JAKMIP1: variants seen among roughly 807,000 people sequenced by gnomAD.
JAKMIP1 encodes the protein janus kinase and microtubule-interacting protein 1.
A neutral mutation model predicts 113.0 loss-of-function variants in JAKMIP1; 33 were observed. The ratio of observed to expected loss-of-function variants is 0.29; its 90% CI spans 0.22 to 0.39. The LOEUF (loss-of-function observed/expected upper bound fraction) is 0.39. Ranked by LOEUF, JAKMIP1 falls within the 10% of genes least tolerant of loss-of-function variation. The pLI is 1.00. For missense variants in JAKMIP1, 813 were observed against 1,080.5 expected, an observed-to-expected ratio of 0.75 and a Z score of 3.47; for synonymous variants, 480 against 459.9, an observed-to-expected ratio of 1.04 and a Z score of -0.56.
rs1719413082 is a variant in JAKMIP1 at position 6,137,482 on chromosome 4, A to G, written c.-147-24485T>C. On this transcript the variant is annotated intron_variant, in intron 1 of 20. Transcript: ENST00000409021. The surrounding 1 kb of genome is among the most constrained non-coding windows in gnomAD (Gnocchi z 4.5). ...CGTCTCACACCCTGGGTGACAGCAG[A>G]CGTGCTAAGTAGGAACCCCCTTCAA... Among the ~76,000 whole-genome samples the G allele has an allele frequency of 6.6e-6, 1 of 152,180 alleles. No homozygotes were observed. Among genetic ancestry groups the G allele is most frequent in the Non-Finnish European group, 1.5e-5 (1 of 68,030 alleles).
intron 1 of JAKMIP1, among the ~76,000 whole-genome samples, chr4:6,172,523 G>T (rs1007043247): frequency 6.6e-6 from 1 of 151,636 alleles, no homozygotes; most frequent in African/African-American, 2.4e-5. Context: ...GAGGAGAGAG[G>T]ACACGGCCCT....
Position 6,065,132 on chromosome 4 carries a change from A to G in JAKMIP1, c.1303-124T>C. 1 of 1,203,862 alleles carries G rather than the reference A, an allele frequency of 8.3e-7. No homozygotes were observed. Among genetic ancestry groups the G allele is most frequent in the Non-Finnish European group, 1.2e-6 (1 of 829,592 alleles). 74.6% of individuals were successfully genotyped at this position (1,203,862 alleles called of 1,614,324 possible). ...GACATTTGGGCCACTGGGGCATCACAAGATGCGGTTGGTGGGCTTCGTAAC... is the reference window on the plus strand; with the variant it reads ...GACATTTGGGCCACTGGGGCATCACGAGATGCGGTTGGTGGGCTTCGTAAC... On this transcript the variant is annotated intron_variant, in intron 8 of 20. Transcript: ENST00000409021. The surrounding 1 kb of genome is among the most constrained non-coding windows in gnomAD (Gnocchi z 5.1).
In JAKMIP1 at chr4:6,180,229, CAG is replaced by C. The variant is rs1290854009; in HGVS notation, c.-148+20022_-148+20023del. Among the ~76,000 whole-genome samples, 1 of 152,186 alleles carries C rather than the reference CAG, an allele frequency of 6.6e-6. No individual in the cohort carries two copies. The highest frequency in any genetic ancestry group is 6.5e-5 in the Admixed American group (1 of 15,272). ...ATTCCCCACCAAACATACCCACAAACAGAAATAATTTCTGATAAAATTGCTAC... is the reference window on the plus strand; with the variant it reads ...ATTCCCCACCAAACATACCCACAAACAAATAATTTCTGATAAAATTGCTAC... On this transcript the variant is annotated intron_variant, in intron 1 of 20. Transcript: ENST00000409021. This position sits in a 1 kb window ranked among gnomAD's most constrained non-coding sequence, Gnocchi z 4.5.
rs902918571 is a variant in JAKMIP1 at position 6,094,697 on chromosome 4, G to A, written c.625-9068C>T. Among the ~76,000 whole-genome samples, 1 of 152,180 alleles carries A rather than the reference G, an allele frequency of 6.6e-6. No homozygotes were observed. Among genetic ancestry groups the A allele is most frequent in the Admixed American group, 6.5e-5 (1 of 15,278 alleles). The stretch of plus-strand genomic sequence containing the variant: ...AGGAAAGGAATGCAGATCCATTATA[G>A]AAAATGAAAAATACAGCCAGACGCA... On this transcript the variant is annotated intron_variant, in intron 3 of 20. Transcript: ENST00000409021. This position sits in a 1 kb window ranked among gnomAD's most constrained non-coding sequence, Gnocchi z 4.2.
rs746978964 is a variant in JAKMIP1 at position 6,076,037 on chromosome 4, G to C, written c.1302+2902C>G. ...ACTAAAAATACAAAATTAGCCAGGCGTGGTGGCACATGCCTGTAATCTCGG... is the reference window on the plus strand; with the variant it reads ...ACTAAAAATACAAAATTAGCCAGGCCTGGTGGCACATGCCTGTAATCTCGG... On this transcript the variant is annotated intron_variant, in intron 8 of 20. Transcript: ENST00000409021. This position sits in a 1 kb window ranked among gnomAD's most constrained non-coding sequence, Gnocchi z 4.8. Among the ~76,000 whole-genome samples, 2 of 152,152 alleles carry C rather than the reference G, an allele frequency of 1.3e-5. No individual in the cohort carries two copies. Among genetic ancestry groups the C allele is most frequent in the Non-Finnish European group, 2.9e-5 (2 of 68,024 alleles).
At chr4:6,172,827 A>T (rs552884293) in intron 1 of JAKMIP1, among the ~76,000 whole-genome samples, 1 of 152,256 alleles carries the variant, frequency 6.6e-6, no homozygotes, top group East Asian at 1.9e-4. Context: ...CACACCACAA[A>T]CACTGACTGT....
chr4:6,050,620 G>T lies in JAKMIP1; in HGVS notation c.1866C>A (p.His622Gln). Residue 622 changes from histidine to glutamine, a missense_variant, in exon 14 of 21, where the codon CAC (histidine) becomes CAA (glutamine). Transcript: ENST00000409021. This position sits in a 1 kb window ranked among gnomAD's most constrained non-coding sequence, Gnocchi z 7.4. ...NLQITTFPEN[H>Q]SSALQLFCHQ... ...GACAGAACAGCTGGAGAGCGCTGCTGTGGTTCTCGGGGAAGGTGGTGATTT... is the reference window on the plus strand; with the variant it reads ...GACAGAACAGCTGGAGAGCGCTGCTTTGGTTCTCGGGGAAGGTGGTGATTT... 1.9e-6 allele frequency: 3 copies of T among 1,576,860 alleles called. No homozygotes were observed. Among genetic ancestry groups the T allele is most frequent in the Non-Finnish European group, 2.6e-6 (3 of 1,160,776 alleles).
chr4:6,068,872 A>T (rs908740701), intron 8 of JAKMIP1, among the ~76,000 whole-genome samples: 1 of 152,184 alleles, frequency 6.6e-6, no homozygotes, highest in African/African-American at 2.4e-5. Context: ...GCCCAGCCTT[A>T]ACATTTTTTT....
chr4:6,098,538 GAGAAAGAA>G (rs1712243008), intron 3 of JAKMIP1, among the ~76,000 whole-genome samples: 1 of 46,478 alleles, frequency 2.2e-5, no homozygotes. Flanking sequence ...GAGAGAGAGA[GAGAAAGAA>G]AAAGAAAGAA....
Position 6,081,492 on chromosome 4 carries a change from T to C in JAKMIP1, c.1101+117A>G, listed in dbSNP as rs2108822659. ...GTGACTGACACTGTGCCTGGTGCTTTGTGGGGAGGTGGGCAGCAGGTGCGC... is the reference window on the plus strand; with the variant it reads ...GTGACTGACACTGTGCCTGGTGCTTCGTGGGGAGGTGGGCAGCAGGTGCGC... On this transcript the variant is annotated intron_variant, in intron 6 of 20. Transcript: ENST00000409021. The surrounding 1 kb of genome is among the most constrained non-coding windows in gnomAD (Gnocchi z 4.6). 1 of 1,099,200 alleles carries C rather than the reference T, an allele frequency of 9.1e-7. No homozygotes were observed. Among genetic ancestry groups the C allele is most frequent in the South Asian group, 1.5e-5 (1 of 68,336 alleles). 68.1% of individuals were successfully genotyped at this position (1,099,200 alleles called of 1,614,324 possible).
At chr4:6,174,453 C>T (rs566610014) in intron 1 of JAKMIP1, among the ~76,000 whole-genome samples, 3 of 152,352 alleles carry the variant, frequency 2.0e-5, no homozygotes, top group South Asian at 2.1e-4. Context: ...ACCTGGTCTT[C>T]GGCTCCGTGT....
At chr4:6,169,980 T>TACCACC (rs200501521) in intron 1 of JAKMIP1, among the ~76,000 whole-genome samples, 10 of 107,864 alleles carry the variant, frequency 9.3e-5, no homozygotes, top group East Asian at 2.6e-4. Flanking sequence ...CCACCACCAC[T>TACCACC]ACCACCACCA....
At position 6,154,855 on chromosome 4, in the gene JAKMIP1, C is replaced by T. The variant is rs957641451; in HGVS notation, c.-147-41858G>A. ...ACTTGGGAAGCTCCTATTCATTCCT[C>T]GAAGGCCTATTCATCCATCGCCTCC... On this transcript the variant is annotated intron_variant, in intron 1 of 20. Transcript: ENST00000409021. The surrounding 1 kb of genome is among the most constrained non-coding windows in gnomAD (Gnocchi z 4.2). Among the ~76,000 whole-genome samples, 3 of 152,056 alleles carry T rather than the reference C, an allele frequency of 2.0e-5. No homozygotes were observed. Among genetic ancestry groups the T allele is most frequent in the East Asian group, 1.9e-4 (1 of 5,174 alleles).
rs1022567424 is a variant in JAKMIP1, at chr4:6,141,306, C to T, written c.-147-28309G>A. ...CAAAAATTAGCCAGGGGTGGTGGCG[C>T]GCATCTGTAATCCCAGCTACTTGAC... On this transcript the variant is annotated intron_variant, in intron 1 of 20. Coordinates refer to ENST00000409021, the MANE Select transcript of JAKMIP1 (RefSeq NM_001099433.2). This position sits in a 1 kb window ranked among gnomAD's most constrained non-coding sequence, Gnocchi z 9.4. Among the ~76,000 whole-genome samples, 11 of 151,986 alleles carry T rather than the reference C, an allele frequency of 7.2e-5. No individual in the cohort carries two copies. Among genetic ancestry groups the T allele is most frequent in the Admixed American group, 3.3e-4 (5 of 15,272 alleles).
rs983528145 is a variant in JAKMIP1 at position 6,049,051 on chromosome 4, G to A, written c.1963-129C>T. The A allele has an allele frequency of 2.4e-5, 17 of 703,698 alleles. No individual in the cohort carries two copies. The highest frequency in any genetic ancestry group is 1.4e-4 in the African/African-American group (8 of 56,330). 43.6% of individuals were successfully genotyped at this position (703,698 alleles called of 1,614,324 possible). On this transcript the variant is annotated intron_variant, in intron 15 of 20. Coordinates refer to ENST00000409021, the MANE Select transcript of JAKMIP1 (RefSeq NM_001099433.2). The surrounding 1 kb of genome is among the most constrained non-coding windows in gnomAD (Gnocchi z 7.0). Reference sequence around the variant, plus strand: ...TTATTATGTTTGTTTGTTTTGAGACGGAGTCTCTCTCTGTCACCTGGGTTT... The same window carrying A: ...TTATTATGTTTGTTTGTTTTGAGACAGAGTCTCTCTCTGTCACCTGGGTTT...
intron 3 of JAKMIP1, among the ~76,000 whole-genome samples, chr4:6,103,802 G>A (rs1055966260): frequency 6.6e-6 from 1 of 152,154 alleles, no homozygotes; most frequent in African/African-American, 2.4e-5. Context: ...GTTTGCTGTG[G>A]TTTTATTGAC....
Position 6,089,659 on chromosome 4 carries a change from T to A in JAKMIP1, c.625-4030A>T, listed in dbSNP as rs1721771159. On this transcript the variant is annotated intron_variant, in intron 3 of 20. Coordinates refer to ENST00000409021, the MANE Select transcript of JAKMIP1 (RefSeq NM_001099433.2). This position sits in a 1 kb window ranked among gnomAD's most constrained non-coding sequence, Gnocchi z 5.3. The stretch of plus-strand genomic sequence containing the variant: ...GCAGTCAAGTCCACCAGGAAATGTA[T>A]CTTAGTGAAAACAAGCCCACTGACC... 6.6e-6 allele frequency among the ~76,000 whole-genome samples: 1 copy of A among 152,136 alleles called. No homozygotes were observed. The highest frequency in any genetic ancestry group is 1.5e-5 in the Non-Finnish European group (1 of 68,032).
rs1726600796 is a variant in JAKMIP1 at position 6,185,857 on chromosome 4, C to T, written c.-148+14396G>A. Among the ~76,000 whole-genome samples the T allele has an allele frequency of 6.6e-6, 1 of 152,142 alleles. No homozygotes were observed. The highest frequency in any genetic ancestry group is 2.1e-4 in the South Asian group (1 of 4,822). ...TGTTCTAGACAATACCTTTAACAGC[C>T]CACAGCCAAGTTTTCTATCTAAACT... On this transcript the variant is annotated intron_variant, in intron 1 of 20. Coordinates refer to ENST00000409021, the MANE Select transcript of JAKMIP1 (RefSeq NM_001099433.2). This position sits in a 1 kb window ranked among gnomAD's most constrained non-coding sequence, Gnocchi z 5.3.
rs550881012 is a variant in JAKMIP1, at chr4:6,191,858, T to C, written c.-148+8395A>G. ...GAAGTAAAATTCATGTGAAAATTAT[T>C]ACTAAGATATTTTACATTCCGTTTT... On this transcript the variant is annotated intron_variant, in intron 1 of 20. Coordinates refer to ENST00000409021, the MANE Select transcript of JAKMIP1 (RefSeq NM_001099433.2). 1.5e-4 allele frequency among the ~76,000 whole-genome samples: 23 copies of C among 152,320 alleles called. No individual in the cohort carries two copies. The East Asian group carries it at 4.0e-3, about 27-fold the overall frequency.
Sources: gnomAD v4.1 joint callset for allele counts (sites outside exome capture counted in the v4.1 genomes callset) on GRCh38, gnomAD v4.1.1 for gene constraint, Gnocchi (gnomAD v3.1) non-coding constraint, MANE v1.5 for transcripts, NCBI Gene and HGNC (gene_info 2026-07-23, HGNC 2026-07-21) for gene names.